FNDC3B: variants seen among roughly 807,000 people sequenced by gnomAD.
The protein encoded by FNDC3B is fibronectin type III domain-containing protein 3B.
FNDC3B carries 12 observed loss-of-function variants against 151.5 expected under a neutral mutation model. The observed-to-expected ratio is 0.08, with a 90% CI of 0.05 to 0.13. FNDC3B has a LOEUF of 0.13. Among genes scored for constraint, FNDC3B ranks in the 10% least tolerant of loss-of-function variants. The pLI is 1.00. For missense variants in FNDC3B, 1,214 were observed against 1,505.3 expected (o/e 0.81, Z 3.20); for synonymous variants, 528 against 549.0 (o/e 0.96, Z 0.54).
Position 172,079,825 on chromosome 3 carries a change from G to A in FNDC3B, c.-28-32627G>A, listed in dbSNP as rs142520262. ...TGAAAAACATGGAGGCAGAAAATCCGTTTCTTCAAAAACAGATAGTGGATT... is the reference window on the plus strand; with the variant it reads ...TGAAAAACATGGAGGCAGAAAATCCATTTCTTCAAAAACAGATAGTGGATT... On this transcript the variant is annotated intron_variant, in intron 1 of 25. Coordinates refer to ENST00000415807, the MANE Select transcript of FNDC3B (RefSeq NM_022763.4). Among the ~76,000 whole-genome samples, 14 of 152,174 alleles carry A rather than the reference G, an allele frequency of 9.2e-5. No individual in the cohort carries two copies. The East Asian group carries it at 1.4e-3, about 15-fold the overall frequency.
chr3:172,090,644 C>T (rs1718775744), intron 1 of FNDC3B, among the ~76,000 whole-genome samples: 1 of 152,058 alleles, frequency 6.6e-6, no homozygotes, highest in African/African-American at 2.4e-5. Context: ...GGATCCAGCT[C>T]ACAAAACTAA....
At chr3:172,357,983 A>G (rs749941216) in intron 22 of FNDC3B, among the ~76,000 whole-genome samples, 4 of 152,198 alleles carry the variant, frequency 2.6e-5, no homozygotes, top group Non-Finnish European at 5.9e-5. Context: ...GCAGACGGTC[A>G]ATGTTGAACT....
chr3:172,090,985 T>A (rs1429586008), intron 1 of FNDC3B, among the ~76,000 whole-genome samples: 1 of 152,138 alleles, frequency 6.6e-6, no homozygotes, highest in East Asian at 1.9e-4. Flanking sequence ...TTCCAAAATC[T>A]GAAAATTCAG....
chr3:172,258,433 C>G (rs1274674055), intron 6 of FNDC3B, among the ~76,000 whole-genome samples: 2 of 152,064 alleles, frequency 1.3e-5, no homozygotes, highest in Admixed American at 1.3e-4. Context: ...TCTTACTATT[C>G]TTATATTTTG....
chr3:172,182,688 A>T (rs931816158), intron 3 of FNDC3B, among the ~76,000 whole-genome samples: 1 of 152,196 alleles, frequency 6.6e-6, no homozygotes, highest in African/African-American at 2.4e-5. Context: ...AAGTTTCTCT[A>T]CTTTGAATGT....
intron 2 of FNDC3B, among the ~76,000 whole-genome samples, chr3:172,121,656 T>C (rs1281953665): frequency 2.0e-5 from 3 of 152,252 alleles, no homozygotes; most frequent in Non-Finnish European, 2.9e-5. Context: ...AAGTATTTAT[T>C]GAAAGAGTTG....
chr3:172,397,505 G>T lies in FNDC3B; in HGVS notation c.*30G>T. The T allele has an allele frequency of 1.4e-6, 2 of 1,406,980 alleles. No homozygotes were observed. Among genetic ancestry groups the T allele is most frequent in the Non-Finnish European group, 1.9e-6 (2 of 1,031,528 alleles). 87.2% of individuals were successfully genotyped at this position (1,406,980 alleles called of 1,614,324 possible). ...AACAAAACTAGAGGTATGAATTAAT[G>T]CTACACATTTTAATACACACATTTA... On this transcript the variant is annotated 3_prime_UTR_variant, in exon 26 of 26. Coordinates refer to ENST00000415807, the MANE Select transcript of FNDC3B (RefSeq NM_022763.4).
At chr3:172,340,665 A>G (rs1447695727) in intron 16 of FNDC3B, among the ~76,000 whole-genome samples, 2 of 152,190 alleles carry the variant, frequency 1.3e-5, no homozygotes, top group Non-Finnish European at 1.5e-5. Flanking sequence ...TTTGACCTCT[A>G]GGCAGATAAG....
rs73033128 is a variant in FNDC3B at position 172,309,633 on chromosome 3, A to C, written c.1201-1195A>C. Among the ~76,000 whole-genome samples the C allele has an allele frequency of 6.0e-3, 916 of 152,274 alleles. 7 individuals carry two copies. Among genetic ancestry groups the C allele is most frequent in the African/African-American group, 0.021 (870 of 41,538 alleles). ...TGGGACTCAGAGATTGTGTGACTCT[A>C]AAGAGAGAAGGAAGGGAAGGAGAGG... On this transcript the variant is annotated intron_variant, in intron 10 of 25. Coordinates refer to ENST00000415807, the MANE Select transcript of FNDC3B (RefSeq NM_022763.4).
intron 1 of FNDC3B, among the ~76,000 whole-genome samples, chr3:172,108,130 T>C (rs1224244431): frequency 6.6e-6 from 1 of 151,286 alleles, no homozygotes; most frequent in African/African-American, 2.4e-5. Flanking sequence ...ATCACGCCAC[T>C]GCACTCCATC....
At chr3:172,329,865 C>G (rs542943294) in intron 12 of FNDC3B, 12 of 152,266 alleles carry the variant, frequency 7.9e-5, no homozygotes, top group African/African-American at 2.4e-4. Flanking sequence ...CCCTTTATGG[C>G]TCAAGAATTT....
intron 16 of FNDC3B, 87 bp downstream of exon 16, chr3:172,337,488 A>G (rs1330692568): frequency 1.2e-6 from 1 of 848,132 alleles, no homozygotes; most frequent in African/African-American, 1.7e-5. Flanking sequence ...AATAGTGAGT[A>G]ATCATTAATT....
At chr3:172,386,759 G>GAAAAAAAAAAAAAAAAAAAA (rs1233563821) in intron 25 of FNDC3B, among the ~76,000 whole-genome samples, 1 of 106,368 alleles carries the variant, frequency 9.4e-6, no homozygotes, top group African/African-American at 3.3e-5. Flanking sequence ...AAAAAAAAAA[G>GAAAAAAAAAAAAAAAAAAAA]AAAAAAAAAA....
intron 2 of FNDC3B, among the ~76,000 whole-genome samples, chr3:172,128,544 G>A (rs1205699294): frequency 6.6e-6 from 1 of 151,518 alleles, no homozygotes; most frequent in Non-Finnish European, 1.5e-5. Flanking sequence ...AGAGCTTGGA[G>A]ATTGGGAATC....
intron 3 of FNDC3B, among the ~76,000 whole-genome samples, chr3:172,170,773 A>G (rs1723242344): frequency 6.6e-6 from 1 of 152,212 alleles, no homozygotes; most frequent in Non-Finnish European, 1.5e-5. Context: ...ATGTTTTGTA[A>G]ATGTAACTTT....
chr3:172,350,059 T>C (rs1159513513), intron 21 of FNDC3B, among the ~76,000 whole-genome samples: 1 of 152,166 alleles, frequency 6.6e-6, no homozygotes, highest in Admixed American at 6.5e-5. Context: ...TCTGTACTAT[T>C]TTTGCAACTT....
chr3:172,138,034 A>G (rs1416761823), intron 3 of FNDC3B, among the ~76,000 whole-genome samples: 1 of 152,202 alleles, frequency 6.6e-6, no homozygotes, highest in Non-Finnish European at 1.5e-5. Context: ...GGTGCTGGCA[A>G]TGCAGCCTTC....
At chr3:172,331,110 C>T (rs1254164954) in intron 13 of FNDC3B, among the ~76,000 whole-genome samples, 1 of 152,182 alleles carries the variant, frequency 6.6e-6, no homozygotes, top group African/African-American at 2.4e-5. Context: ...TTCCTAACTT[C>T]ATCCTTACTA....
chr3:172,323,120 T>G (rs1240149136), intron 11 of FNDC3B, among the ~76,000 whole-genome samples: 1 of 151,976 alleles, frequency 6.6e-6, no homozygotes, highest in Non-Finnish European at 1.5e-5. Context: ...TGAAAGAAAT[T>G]GAAAAATATT....
Sources: allele counts gnomAD v4.1 joint callset (sites outside exome capture counted in the v4.1 genomes callset), GRCh38; gene constraint gnomAD v4.1.1; transcripts MANE v1.5; gene names NCBI Gene and HGNC (gene_info 2026-07-23, HGNC 2026-07-21).